The following GPHN variants were observed in gnomAD, a reference collection of about 807,000 sequenced individuals.
GPHN encodes gephyrin.
In GPHN, 17 loss-of-function variants were observed where a neutral mutation model predicts 95.5. The ratio of observed to expected loss-of-function variants is 0.18; its 90% CI spans 0.12 to 0.27. The LOEUF (loss-of-function observed/expected upper bound fraction) is 0.27, where lower values mean the gene tolerates loss of function less well. GPHN is among the 10% of genes least tolerant of loss of function. GPHN has a pLI of 1.00. For missense variants in GPHN, 660 were observed against 978.1 expected, an observed-to-expected ratio of 0.67 and a Z score of 4.34; for synonymous variants, 320 against 322.5, an observed-to-expected ratio of 0.99 and a Z score of 0.08.
chr14:67,598,457 T>C, the GPHN span, among the ~76,000 whole-genome samples: 1 of 152,224 alleles, frequency 6.6e-6, no homozygotes, highest in Non-Finnish European at 1.5e-5. Flanking sequence ...TGCCATTTAC[T>C]GCTTTGAGAC....
In GPHN at chr14:66,836,201, G is replaced by A. The variant is rs1427257698; in HGVS notation, c.294+11635G>A. ...TACCTGACTTCAAACTATACTACAAGGCTACAATAACCAAAACAGCGTGGT... is the reference window on the plus strand; with the variant it reads ...TACCTGACTTCAAACTATACTACAAAGCTACAATAACCAAAACAGCGTGGT... On this transcript the variant is annotated intron_variant, in intron 4 of 22. Transcript: ENST00000478722. Among the ~76,000 whole-genome samples, 52 of 130,250 alleles carry A rather than the reference G, an allele frequency of 4.0e-4. 1 individual carries two copies. The highest frequency in any genetic ancestry group is 2.0e-3 in the African/African-American group (50 of 25,064). The allele number at this position is 130,250 out of a possible 152,430, so 85.4% of individuals were successfully genotyped here.
the GPHN span, chr14:67,615,919 A>G: frequency 1.8e-6 from 1 of 555,302 alleles, no homozygotes; most frequent in Non-Finnish European, 3.3e-6. Flanking sequence ...CTTAAAAAGA[A>G]GTCTGCAAAG....
chr14:67,279,045 C>A, the GPHN span: 1 of 849,506 alleles, frequency 1.2e-6, no homozygotes, highest in Non-Finnish European at 1.7e-6. Flanking sequence ...TTTTTCATAG[C>A]ATTATTATGT....
the GPHN span, chr14:67,645,523 C>T: frequency 4.8e-5 from 54 of 1,126,936 alleles, no homozygotes; most frequent in Non-Finnish European, 6.1e-5. Flanking sequence ...CAAACCCAGT[C>T]TCCATCTAGG....
At chr14:67,599,061 T>A in the GPHN span, among the ~76,000 whole-genome samples, 1 of 152,184 alleles carries the variant, frequency 6.6e-6, no homozygotes, top group Admixed American at 6.5e-5. Context: ...ATTAGGGCAG[T>A]CTTAATTCTG....
intron 3 of GPHN, among the ~76,000 whole-genome samples, chr14:66,791,155 CA>C (rs1316789315): frequency 2.0e-5 from 3 of 152,152 alleles, no homozygotes; most frequent in Non-Finnish European, 4.4e-5. Flanking sequence ...CTAACTTTCC[CA>C]AGTTGGGACT....
chr14:67,223,174 A>G, the GPHN span, among the ~76,000 whole-genome samples: 1 of 151,934 alleles, frequency 6.6e-6, no homozygotes, highest in East Asian at 1.9e-4. Context: ...TAATTTTTGT[A>G]TTTTTTGTAG....
chr14:67,386,237 T>TCTC, the GPHN span: 1 of 152,658 alleles, frequency 6.6e-6, no homozygotes, highest in African/African-American at 2.4e-5. Context: ...TAAAAGGTAG[T>TCTC]CTCTTACCAT....
chr14:66,666,384 T>TA (rs995813279), intron 1 of GPHN, among the ~76,000 whole-genome samples: 7 of 151,586 alleles, frequency 4.6e-5, no homozygotes, highest in Non-Finnish European at 8.8e-5. Context: ...GAACTTACTG[T>TA]ATTGGATTAA....
chr14:67,118,581 A>G (rs1302298597), intron 16 of GPHN, among the ~76,000 whole-genome samples: 1 of 152,002 alleles, frequency 6.6e-6, no homozygotes, highest in Non-Finnish European at 1.5e-5. Flanking sequence ...CAAAAAAATT[A>G]GCCGGGTGTG....
chr14:66,901,429 G>A (rs1276398365), intron 5 of GPHN, among the ~76,000 whole-genome samples: 1 of 151,986 alleles, frequency 6.6e-6, no homozygotes, highest in Non-Finnish European at 1.5e-5. Flanking sequence ...TTGTGGTTTT[G>A]AAGTCTTAGA....
intron 8 of GPHN, among the ~76,000 whole-genome samples, chr14:66,959,073 GTTTCAATATTATACAACAACTTCATAC>G (rs2068724824): frequency 1.3e-5 from 2 of 152,018 alleles, no homozygotes; most frequent in Admixed American, 6.5e-5. Flanking sequence ...TACCAACTTA[GTTTCAATATTATACAACAACTTCATAC>G]CTTGTCCACT....
chr14:67,424,453 A>G, the GPHN span, among the ~76,000 whole-genome samples: 4 of 151,744 alleles, frequency 2.6e-5, no homozygotes, highest in Non-Finnish European at 5.9e-5. Context: ...CCCCATCTCT[A>G]TGAAAAATAC....
chr14:66,646,830 T>C (rs2064774565), intron 1 of GPHN, among the ~76,000 whole-genome samples: 2 of 152,138 alleles, frequency 1.3e-5, no homozygotes, highest in South Asian at 4.1e-4. Context: ...AGTACCAAAC[T>C]GTATTCTTAA....
chr14:66,811,040 A>G (rs2060739673), intron 3 of GPHN, among the ~76,000 whole-genome samples: 1 of 152,254 alleles, frequency 6.6e-6, no homozygotes, highest in Non-Finnish European at 1.5e-5. Context: ...ATAGTGAACT[A>G]CATTTATTAA....
intron 5 of GPHN, among the ~76,000 whole-genome samples, chr14:66,906,180 C>T (rs1000299165): frequency 1.3e-5 from 2 of 152,128 alleles, no homozygotes; most frequent in African/African-American, 2.4e-5. Flanking sequence ...GTGGGATGCA[C>T]CTCCTACAGC....
chr14:67,603,996 G>GTTTTTT, the GPHN span, among the ~76,000 whole-genome samples: 48 of 150,220 alleles, frequency 3.2e-4, 1 homozygote, highest in Non-Finnish European at 4.3e-4. Flanking sequence ...CTTGTTTTTT[G>GTTTTTT]TTTTTGTTTT....
At chr14:67,538,312 A>G in the GPHN span, among the ~76,000 whole-genome samples, 6 of 152,028 alleles carry the variant, frequency 3.9e-5, no homozygotes, top group Non-Finnish European at 8.8e-5. Context: ...CAGTTCTGCT[A>G]CTCCTTAGCT....
the GPHN span, among the ~76,000 whole-genome samples, chr14:67,242,930 A>G: frequency 6.6e-6 from 1 of 152,324 alleles, no homozygotes; most frequent in Admixed American, 6.5e-5. Flanking sequence ...GGGTGACCCA[A>G]GTCAGTACAG....
Sources: gnomAD v4.1 joint callset for allele counts (sites outside exome capture counted in the v4.1 genomes callset) on GRCh38, gnomAD v4.1.1 for gene constraint, MANE v1.5 for transcripts, NCBI Gene and HGNC (gene_info 2026-07-23, HGNC 2026-07-21) for gene names.